The following TAS1R3 variants were observed in gnomAD, a reference collection of about 807,000 sequenced individuals.
TAS1R3 encodes taste receptor type 1 member 3.
TAS1R3 carries 58 observed loss-of-function variants against 46.1 expected under a neutral mutation model. The observed-to-expected ratio is 1.26, with a 90% CI of 1.02 to 1.57. TAS1R3 has a LOEUF of 1.57. TAS1R3 is among the 40% of genes most tolerant of loss of function. TAS1R3 has a pLI of 0.00. For missense variants in TAS1R3, 1,422 were observed against 1,185.8 expected (o/e 1.20, Z -2.93); for synonymous variants, 724 against 544.7 (o/e 1.33, Z -4.58).
In TAS1R3 at chr1:1,331,958, A is replaced by AAAACCC; in HGVS notation, c.492+20_492+21insAAACCC. The AAAACCC allele has an allele frequency of 3.2e-6, 5 of 1,539,066 alleles. No individual in the cohort carries two copies. The highest frequency in any genetic ancestry group is 4.4e-6 in the Non-Finnish European group (5 of 1,141,600). On this transcript the variant is annotated intron_variant, in intron 2 of 5. Transcript: ENST00000339381. ...CCCCAGGTGGGCGCCCCCCACCATCACCCACCCCCACCCAGCCCTGCCCGT... is the reference window on the plus strand; with the variant it reads ...CCCCAGGTGGGCGCCCCCCACCATCAAAACCCCCCACCCCCACCCAGCCCTGCCCGT...
In TAS1R3 at chr1:1,332,450, G is replaced by A. The variant is rs775422054; in HGVS notation, c.919G>A (p.Asp307Asn). The change falls in exon 3 of 6, where the codon GAC (aspartate) becomes AAC (asparagine). Residue 307 changes from aspartate (D) to asparagine (N), a missense_variant. By Grantham distance (23) the Asp-to-Asn change is conservative. Transcript: ENST00000339381. ...WVASEAWLTSDLVMGLPGMAQ... is the reference protein window; with the variant it reads ...WVASEAWLTSNLVMGLPGMAQ... The stretch of plus-strand genomic sequence containing the variant: ...GGCCAGCGAGGCCTGGCTGACCTCT[G>A]ACCTGGTCATGGGGCTGCCCGGCAT... The A allele has an allele frequency of 3.7e-6, 6 of 1,609,020 alleles. No homozygotes were observed. The highest frequency in any genetic ancestry group is 1.7e-4 in the Middle Eastern group (1 of 6,058).
chr1:1,332,017 C>G lies in TAS1R3; in HGVS notation c.493-7C>G. 1 of 1,610,634 alleles carries G rather than the reference C, an allele frequency of 6.2e-7. No individual in the cohort carries two copies. The highest frequency in any genetic ancestry group is 8.5e-7 in the Non-Finnish European group (1 of 1,179,844). On this transcript the variant is annotated splice_polypyrimidine_tract_variant and splice_region_variant and intron_variant, in intron 2 of 5. Transcript: ENST00000339381. ...CTGTGTCAGGAGATGCCTCTTGGCC[C>G]TTGCAGGTCAGCTACGGTGCTAGCA...
Position 1,334,222 on chromosome 1 carries a change from A to G in TAS1R3, c.2317A>G (p.Ile773Val). 1 of 1,609,790 alleles carries G rather than the reference A, an allele frequency of 6.2e-7. No homozygotes were observed. The highest frequency in any genetic ancestry group is 8.5e-7 in the Non-Finnish European group (1 of 1,178,718). The change falls in exon 6 of 6, where the codon ATC (isoleucine) becomes GTC (valine). Residue 773 changes from isoleucine to valine, a missense_variant. Physicochemically the swap from Ile to Val is conservative, Grantham distance 29. Coordinates refer to ENST00000339381, the MANE Select transcript of TAS1R3 (RefSeq NM_152228.3). ...GLTFAMLAYF[I>V]TWVSFVPLLA... ...CACCTTTGCCATGCTGGCCTACTTC[A>G]TCACCTGGGTCTCCTTTGTGCCCCT... is the stretch of plus-strand genomic sequence containing the variant.
chr1:1,333,718 C>G lies in TAS1R3; in HGVS notation c.1813C>G (p.Pro605Ala), dbSNP rs537648881. 155 of 1,607,664 alleles carry G rather than the reference C, an allele frequency of 9.6e-5. No homozygotes were observed. The highest frequency in any genetic ancestry group is 1.7e-4 in the African/African-American group (13 of 75,016). ...CCCACTGGTTCAGGCCTCGGGGGGG[C>G]CCCTGGCCTGCTTTGGCCTGGTGTG... ...DSPLVQASGG[P>A]LACFGLVCLG... is the part of the protein sequence containing the mutation. The change falls in exon 6 of 6, where the codon CCC (proline) becomes GCC (alanine). Residue 605 changes from proline to alanine, a missense_variant. Pro to Ala is a conservative substitution (Grantham distance 27). Coordinates refer to ENST00000339381, the MANE Select transcript of TAS1R3 (RefSeq NM_152228.3).
rs1643527093 is a variant in TAS1R3 at position 1,335,062 on chromosome 1, A to ACCACCAGGCCGACCACCAGGACCACCGAC, written c.*599_*600insCACCAGGCCGACCACCAGGACCACCGACC. On this transcript the variant is annotated 3_prime_UTR_variant, in exon 6 of 6. Transcript: ENST00000339381. ...TGGGGTGGGGGCGGGGTCCAGCACCACGGCCAGCACCGACCACCAGGACCC... is the reference window on the plus strand; with the variant it reads ...TGGGGTGGGGGCGGGGTCCAGCACCACCACCAGGCCGACCACCAGGACCACCGACCGGCCAGCACCGACCACCAGGACCC... The ACCACCAGGCCGACCACCAGGACCACCGAC allele has an allele frequency of 6.5e-6, 1 of 152,702 alleles. No individual in the cohort carries two copies. 9.5% of individuals were successfully genotyped at this position (152,702 alleles called of 1,614,324 possible). A position where few individuals can be genotyped will look rare whatever the true frequency, so the allele number is the denominator to read the frequency against.
Position 1,333,790 on chromosome 1 carries a change from A to G in TAS1R3, c.1885A>G (p.Ser629Gly), listed in dbSNP as rs371239153. ...CGTCCTCCTGTTCCCTGGCCAGCCC[A>G]GCCCTGCCCGATGCCTGGCCCAGCA... is the stretch of plus-strand genomic sequence containing the variant. ...LSVLLFPGQP[S>G]PARCLAQQPL... Residue 629 changes from serine to glycine, a missense_variant, in exon 6 of 6, where the codon AGC becomes GGC. Physicochemically the swap from Ser to Gly is moderately conservative, Grantham distance 56. Transcript: ENST00000339381. The G allele has an allele frequency of 8.3e-5, 132 of 1,594,624 alleles. No homozygotes were observed. The highest frequency in any genetic ancestry group is 1.1e-4 in the Non-Finnish European group (127 of 1,175,306).
chr1:1,333,409 G>C, intron 5 of TAS1R3, 30 bp downstream of exon 5: 2 of 1,610,852 alleles, frequency 1.2e-6, no homozygotes, highest in Non-Finnish European at 1.7e-6. Flanking sequence ...GGCGGGGGTG[G>C]GAACGCAGCA....
chr1:1,334,596 A>C lies in TAS1R3; in HGVS notation c.*132A>C. 9.5e-7 allele frequency: 1 copy of C among 1,049,704 alleles called. No homozygotes were observed. Among genetic ancestry groups the C allele is most frequent in the Non-Finnish European group, 1.3e-6 (1 of 749,140 alleles). 65.0% of individuals were successfully genotyped at this position (1,049,704 alleles called of 1,614,324 possible). A position where few individuals can be genotyped will look rare whatever the true frequency, so the allele number is the denominator to read the frequency against. ...GACCCCAGGTTGTCTCCTGACCCTG[A>C]CCCCACAGTGAGCCCTAGGCCTGGA... On this transcript the variant is annotated 3_prime_UTR_variant, in exon 6 of 6. Transcript: ENST00000339381.
chr1:1,334,399 G>A lies in TAS1R3; in HGVS notation c.2494G>A (p.Gly832Arg), dbSNP rs35913253. 1.9e-6 allele frequency: 3 copies of A among 1,606,452 alleles called. No homozygotes were observed. Among genetic ancestry groups the A allele is most frequent in the East Asian group, 4.5e-5 (2 of 44,666 alleles). Residue 832 changes from glycine (G) to arginine (R), a missense_variant, in exon 6 of 6, where the codon GGG (glycine) becomes AGG (arginine). Physicochemically the swap from Gly to Arg is moderately radical, Grantham distance 125. Transcript: ENST00000339381. ...CAACACCCCCGAGTTCTTCCTGGGA[G>A]GGGGCCCTGGGGATGCCCAAGGCCA... ...GLNTPEFFLG[G>R]GPGDAQGQND...
In TAS1R3 at chr1:1,332,656, C is replaced by T; in HGVS notation, c.1125C>T (p.Cys375=). ...VVGQRCPQCD[C]ITLQNVSAGL... ...GCCAGCGCTGCCCGCAGTGTGACTG[C>T]ATCACGCTGCAGAACGTGAGCGCAG... Residue 375 remains cysteine, a synonymous_variant, in exon 3 of 6, where the codon TGC becomes TGT. Coordinates refer to ENST00000339381, the MANE Select transcript of TAS1R3 (RefSeq NM_152228.3). 6.2e-7 allele frequency: 1 copy of T among 1,607,272 alleles called. No individual in the cohort carries two copies. Among genetic ancestry groups the T allele is most frequent in the Non-Finnish European group, 8.5e-7 (1 of 1,179,620 alleles).
rs370459405 is a variant in TAS1R3, at chr1:1,332,953, C to T, written c.1308C>T (p.His436=). The T allele has an allele frequency of 2.3e-5, 37 of 1,611,724 alleles. No individual in the cohort carries two copies. Among genetic ancestry groups the T allele is most frequent in the Middle Eastern group, 1.6e-4 (1 of 6,084 alleles). Residue 436 remains histidine, a synonymous_variant, in exon 4 of 6, where the codon CAC becomes CAT. Transcript: ENST00000339381. Reference sequence around the variant, plus strand: ...AGAACATGTACAACCTGACCTTCCACGTGGGCGGGCTGCCGCTGCGGTTCG... The same window carrying T: ...AGAACATGTACAACCTGACCTTCCATGTGGGCGGGCTGCCGCTGCGGTTCG... ...LLENMYNLTF[H]VGGLPLRFDS...
Position 1,333,861 on chromosome 1 carries a change from C to A in TAS1R3, c.1956C>A (p.Phe652Leu). Residue 652 changes from phenylalanine (F) to leucine (L), a missense_variant, in exon 6 of 6, where the codon TTC (phenylalanine) becomes TTA (leucine). Transcript: ENST00000339381. ...TCACGGGCTGCCTGAGCACACTCTT[C>A]CTGCAGGCGGCCGAGATCTTCGTGG... ...LPLTGCLSTL[F>L]LQAAEIFVES... is the part of the protein sequence containing the mutation. The A allele has an allele frequency of 6.2e-7, 1 of 1,600,482 alleles. No homozygotes were observed. The highest frequency in any genetic ancestry group is 8.5e-7 in the Non-Finnish European group (1 of 1,179,816).
rs1401382881 is a variant in TAS1R3 at position 1,333,957 on chromosome 1, G to A, written c.2052G>A (p.Val684=). The part of the protein sequence containing the change: ...GCLRGPWAWL[V]VLLAMLVEVA... ...TGCGGGGGCCCTGGGCCTGGCTGGT[G>A]GTGCTGCTGGCCATGCTGGTGGAGG... Residue 684 remains valine, a synonymous_variant, in exon 6 of 6, where the codon GTG becomes GTA. Coordinates refer to ENST00000339381, the MANE Select transcript of TAS1R3 (RefSeq NM_152228.3). 2 of 1,600,996 alleles carry A rather than the reference G, an allele frequency of 1.2e-6. No individual in the cohort carries two copies. The highest frequency in any genetic ancestry group is 1.3e-5 in the African/African-American group (1 of 74,924).
rs756153546 is a variant in TAS1R3 at position 1,332,435 on chromosome 1, GC to G, written c.906del (p.Trp303GlyfsTer2). 2.5e-6 allele frequency: 4 copies of G among 1,608,062 alleles called. No homozygotes were observed. In the Admixed American group the frequency reaches 5.0e-5, roughly 20 times the overall value. Reference sequence around the variant, plus strand: ...GCCCAAGGTGTGGGTGGCCAGCGAGGCCTGGCTGACCTCTGACCTGGTCATG... The same window carrying G: ...GCCCAAGGTGTGGGTGGCCAGCGAGGCTGGCTGACCTCTGACCTGGTCATG... ...LSPKVWVASE[A>X]WLTSDLVMGL... On this transcript the variant is annotated frameshift_variant, in exon 3 of 6. Transcript: ENST00000339381. LOFTEE classifies it high-confidence loss of function.
Position 1,331,466 on chromosome 1 carries a change from T to C in TAS1R3, c.121T>C (p.Phe41Leu), listed in dbSNP as rs377350793. The part of the protein sequence containing the change: ...MKGDYVLGGL[F>L]PLGEAEEAGL... ...GGGGGACTACGTGCTGGGGGGGCTG[T>C]TCCCCCTGGGCGAGGCCGAGGAGGC... The change falls in exon 1 of 6, where the codon TTC becomes CTC. Residue 41 changes from phenylalanine to leucine, a missense_variant. Coordinates refer to ENST00000339381, the MANE Select transcript of TAS1R3 (RefSeq NM_152228.3). The C allele has an allele frequency of 2.5e-6, 4 of 1,605,552 alleles. No homozygotes were observed. The highest frequency in any genetic ancestry group is 4.5e-5 in the East Asian group (2 of 44,814).
In TAS1R3 at chr1:1,331,778, A is replaced by G. The variant is rs199859679; in HGVS notation, c.332A>G (p.Lys111Arg). The G allele has an allele frequency of 1.2e-6, 2 of 1,612,906 alleles. No homozygotes were observed. Among genetic ancestry groups the G allele is most frequent in the Admixed American group, 1.7e-5 (1 of 60,028 alleles). Residue 111 changes from lysine to arginine, a missense_variant, in exon 2 of 6, where the codon AAG becomes AGG. Lys to Arg is a conservative substitution (Grantham distance 26). Transcript: ENST00000339381. ...DTCSEPVVAM[K>R]PSLMFLAKAG... ...TGCTCGGAGCCTGTGGTGGCCATGA[A>G]GCCCAGCCTCATGTTCCTGGCCAAG... is the stretch of plus-strand genomic sequence containing the variant.
In TAS1R3 at chr1:1,334,190, G is replaced by A. The variant is rs149300188; in HGVS notation, c.2285G>A (p.Arg762His). 3.2e-5 allele frequency: 52 copies of A among 1,601,530 alleles called. 1 individual carries two copies. The highest frequency in any genetic ancestry group is 2.7e-4 in the South Asian group (24 of 89,354). Residue 762 changes from arginine (R) to histidine (H), a missense_variant, in exon 6 of 6, where the codon CGT becomes CAT. Coordinates refer to ENST00000339381, the MANE Select transcript of TAS1R3 (RefSeq NM_152228.3). ...CAGCCGGGCTGCTACAACCGTGCCC[G>A]TGGCCTCACCTTTGCCATGCTGGCC... ...RSQPGCYNRA[R>H]GLTFAMLAYF...
Position 1,334,478 on chromosome 1 carries a change from T to C in TAS1R3, c.*14T>C. Reference sequence around the variant, plus strand: ...AAACATGAGTGACCCAACCCTGTGATCTCAGCCCCGGTGAACCCAGACTTA... The same window carrying C: ...AAACATGAGTGACCCAACCCTGTGACCTCAGCCCCGGTGAACCCAGACTTA... On this transcript the variant is annotated 3_prime_UTR_variant, in exon 6 of 6. Transcript: ENST00000339381. 6.6e-7 allele frequency: 1 copy of C among 1,513,300 alleles called. No homozygotes were observed. Among genetic ancestry groups the C allele is most frequent in the Non-Finnish European group, 8.9e-7 (1 of 1,129,420 alleles). The allele number at this position is 1,513,300 out of a possible 1,614,324, so 93.7% of individuals were successfully genotyped here.
rs1569660374 is a variant in TAS1R3, at chr1:1,334,665, T to C, written c.*201T>C. 3 of 612,952 alleles carry C rather than the reference T, an allele frequency of 4.9e-6. No homozygotes were observed. The East Asian group carries it at 8.6e-5, about 18-fold the overall frequency. 38.0% of individuals were successfully genotyped at this position (612,952 alleles called of 1,614,324 possible). ...GACCATCTGGGCCCCAGAGCCAAGCTGTGTCCCTGTCCCTCTGTGCCCAGA... is the reference window on the plus strand; with the variant it reads ...GACCATCTGGGCCCCAGAGCCAAGCCGTGTCCCTGTCCCTCTGTGCCCAGA... On this transcript the variant is annotated 3_prime_UTR_variant, in exon 6 of 6. Transcript: ENST00000339381.
Sources: allele counts gnomAD v4.1 joint callset, GRCh38; gene constraint gnomAD v4.1.1; transcripts MANE v1.5; gene names NCBI Gene and HGNC (gene_info 2026-07-23, HGNC 2026-07-21).